The following HHIPL2 variants were observed in gnomAD, a reference collection of about 807,000 sequenced individuals.
The protein encoded by HHIPL2 is HHIP like 2.
In HHIPL2, 61 loss-of-function variants were observed where a neutral mutation model predicts 61.0. The ratio of observed to expected loss-of-function variants is 1.00; its 90% CI spans 0.81 to 1.24. The LOEUF (loss-of-function observed/expected upper bound fraction) is 1.24. Among genes scored for constraint, HHIPL2 ranks in the 50% most tolerant of loss-of-function variants. The probability of loss-of-function intolerance (pLI) is 0.00; values close to 1 mark genes in which losing one functional copy is unlikely to be tolerated. For missense variants in HHIPL2, 885 were observed against 910.2 expected, an observed-to-expected ratio of 0.97 and a Z score of 0.36; for synonymous variants, 343 against 357.4, an observed-to-expected ratio of 0.96 and a Z score of 0.45.
chr1:222,531,722 A>G (rs970472120), intron 6 of HHIPL2, among the ~76,000 whole-genome samples: 17 of 152,190 alleles, frequency 1.1e-4, no homozygotes, highest in African/African-American at 3.9e-4. Flanking sequence ...ACAGAGAGCA[A>G]GACTCTGTCT....
At chr1:222,547,224 GGA>G (rs910072044) in intron 1 of HHIPL2, among the ~76,000 whole-genome samples, 1 of 152,166 alleles carries the variant, frequency 6.6e-6, no homozygotes, top group Non-Finnish European at 1.5e-5. Flanking sequence ...ACAGAACTCT[GGA>G]GAGAGTCTCC....
intron 6 of HHIPL2, among the ~76,000 whole-genome samples, chr1:222,528,540 G>A (rs2102611175): frequency 6.6e-6 from 1 of 152,272 alleles, no homozygotes; most frequent in African/African-American, 2.4e-5. Flanking sequence ...CTGGGAGGCA[G>A]AGGTTGCAGT....
At chr1:222,531,898 T>C in intron 6 of HHIPL2, 68 bp downstream of exon 6, 1 of 1,413,472 alleles carries the variant, frequency 7.1e-7, no homozygotes, top group South Asian at 1.3e-5. Flanking sequence ...AAAATAAACG[T>C]TCAGTTGATG....
At chr1:222,535,973 C>T (rs1659293488) in intron 5 of HHIPL2, among the ~76,000 whole-genome samples, 1 of 151,806 alleles carries the variant, frequency 6.6e-6, no homozygotes, top group Non-Finnish European at 1.5e-5. Context: ...CACAATATAT[C>T]AACATTTACA....
chr1:222,529,927 GCT>G (rs1373264470), intron 6 of HHIPL2, among the ~76,000 whole-genome samples: 1 of 152,074 alleles, frequency 6.6e-6, no homozygotes, highest in Non-Finnish European at 1.5e-5. Context: ...ATGAAATAAG[GCT>G]CAGATCTAAA....
At chr1:222,529,951 G>A (rs1659153292) in intron 6 of HHIPL2, among the ~76,000 whole-genome samples, 1 of 152,130 alleles carries the variant, frequency 6.6e-6, no homozygotes, top group Admixed American at 6.6e-5. Context: ...ATGCCTCTCA[G>A]AGGAAAAGAA....
At chr1:222,538,807 G>A (rs200188449) in intron 4 of HHIPL2, 33 bp from the exon 5 acceptor site, 15 of 1,609,072 alleles carry the variant, frequency 9.3e-6, no homozygotes, top group African/African-American at 5.4e-5. Flanking sequence ...AGTGAGTGTC[G>A]TGGCCTAAAA....
In HHIPL2 at chr1:222,522,741, A is replaced by G. The variant is rs765817863; in HGVS notation, c.2035T>C (p.Leu679=). Residue 679 remains leucine, a synonymous_variant, in exon 9 of 9, where the codon TTG becomes CTG. Transcript: ENST00000343410. ...TTCTTCTTTGTACCAGGCCCTCGCA[A>G]TGTATTCTTGCTGCTTGTAGGAGAA... ...LASPTSSKNT[L]RGPGTKKKAR... 9.9e-6 allele frequency: 16 copies of G among 1,613,908 alleles called. No homozygotes were observed. In the Admixed American group the frequency reaches 2.5e-4, roughly 25 times the overall value.
chr1:222,522,731 G>A lies in HHIPL2; in HGVS notation c.2045C>T (p.Pro682Leu), dbSNP rs1459274522. The change falls in exon 9 of 9, where the codon CCT (proline) becomes CTT (leucine). Residue 682 changes from proline to leucine, a missense_variant. Pro to Leu is a moderately conservative substitution (Grantham distance 98). Transcript: ENST00000343410. Reference sequence around the variant, plus strand: ...CACTCTGGCTTTCTTCTTTGTACCAGGCCCTCGCAATGTATTCTTGCTGCT... The same window carrying A: ...CACTCTGGCTTTCTTCTTTGTACCAAGCCCTCGCAATGTATTCTTGCTGCT... ...PTSSKNTLRG[P>L]GTKKKARVGP... The A allele has an allele frequency of 6.2e-7, 1 of 1,614,060 alleles. No individual in the cohort carries two copies. The highest frequency in any genetic ancestry group is 1.7e-5 in the Admixed American group (1 of 60,012).
Position 222,543,953 on chromosome 1 carries a change from C to T in HHIPL2, c.558G>A (p.Arg186=). 2 of 1,614,176 alleles carry T rather than the reference C, an allele frequency of 1.2e-6. No individual in the cohort carries two copies. The highest frequency in any genetic ancestry group is 1.7e-6 in the Non-Finnish European group (2 of 1,180,042). The change falls in exon 2 of 9, where the codon AGG becomes AGA. Residue 186 remains arginine (R), a synonymous_variant. Transcript: ENST00000343410. The part of the protein sequence containing the change: ...DKDYCFPNVL[R]NDYLNRHLGM... ...CCAGGTGGCGGTTGAGATAGTCGTT[C>T]CTCAGGACATTAGGGAAGCAATAGT...
At position 222,538,893 on chromosome 1, in the gene HHIPL2, G is replaced by C. The variant is rs910492680; in HGVS notation, c.1451-119C>G. 6 of 945,738 alleles carry C rather than the reference G, an allele frequency of 6.3e-6. No individual in the cohort carries two copies. The Admixed American group carries it at 1.0e-4, about 16-fold the overall frequency. 58.6% of individuals were successfully genotyped at this position (945,738 alleles called of 1,614,324 possible). A position where few individuals can be genotyped will look rare whatever the true frequency, so the allele number is the denominator to read the frequency against. ...TCAGTAAAGAACACTTTACCTCTTG[G>C]TCTTCAGTAGGACAGGCAAGCAAGT... is the stretch of plus-strand genomic sequence containing the variant. On this transcript the variant is annotated intron_variant, in intron 4 of 8. Transcript: ENST00000343410.
At chr1:222,547,657 C>G in intron 1 of HHIPL2, 67 bp downstream of exon 1, 4 of 1,396,424 alleles carry the variant, frequency 2.9e-6, no homozygotes, top group Non-Finnish European at 4.0e-6. Flanking sequence ...AAAGCACCCT[C>G]CGCTCAGGAC....
At position 222,540,349 on chromosome 1, in the gene HHIPL2, A is replaced by G; in HGVS notation, c.1119-8T>C. 1.3e-6 allele frequency: 2 copies of G among 1,594,824 alleles called. No homozygotes were observed. The highest frequency in any genetic ancestry group is 4.5e-5 in the East Asian group (2 of 44,686). On this transcript the variant is annotated splice_polypyrimidine_tract_variant and splice_region_variant and intron_variant, in intron 3 of 8. Transcript: ENST00000343410. ...TTTCCCAGCAGGGAACTTCTGAAAG[A>G]AAGAAGGCCAAGAAGCAGAATGAGG...
At chr1:222,545,006 CAT>C (rs1659525540) in intron 1 of HHIPL2, among the ~76,000 whole-genome samples, 1 of 152,174 alleles carries the variant, frequency 6.6e-6, no homozygotes, top group Non-Finnish European at 1.5e-5. Context: ...CTTACACAAA[CAT>C]ATAAGGACTA....
chr1:222,528,788 C>T (rs528465432), intron 6 of HHIPL2, among the ~76,000 whole-genome samples: 2 of 149,768 alleles, frequency 1.3e-5, no homozygotes, highest in South Asian at 2.1e-4. Flanking sequence ...AAACCTAAAG[C>T]TTTATACAGC....
chr1:222,534,525 C>T (rs1233583982), intron 5 of HHIPL2, among the ~76,000 whole-genome samples: 6 of 149,070 alleles, frequency 4.0e-5, no homozygotes, highest in African/African-American at 1.0e-4. Flanking sequence ...TGCAGTGAGC[C>T]GAGATCGTGC....
intron 5 of HHIPL2, among the ~76,000 whole-genome samples, chr1:222,536,829 A>G (rs1005569515): frequency 3.9e-5 from 6 of 152,068 alleles, no homozygotes; most frequent in Admixed American, 3.9e-4. Flanking sequence ...GTGGGAGAAC[A>G]GCTTGAAGCC....
rs1301902191 is a variant in HHIPL2, at chr1:222,543,788, C to G, written c.723G>C (p.Val241=). Residue 241 remains valine, a synonymous_variant, in exon 2 of 9, where the codon GTG becomes GTC. Coordinates refer to ENST00000343410, the MANE Select transcript of HHIPL2 (RefSeq NM_024746.4). The part of the protein sequence containing the change: ...RFFVAEQVGV[V]WVYLPDGSRL... ...GACTCCCATCAGGGAGGTAGACCCA[C>G]ACCACTCCTACCTGCTCGGCAACAA... is the stretch of plus-strand genomic sequence containing the variant. 1.2e-6 allele frequency: 2 copies of G among 1,614,116 alleles called. No individual in the cohort carries two copies. Among genetic ancestry groups the G allele is most frequent in the Non-Finnish European group, 1.7e-6 (2 of 1,180,018 alleles).
Position 222,538,834 on chromosome 1 carries a change from G to T in HHIPL2, c.1451-60C>A, listed in dbSNP as rs368553845. ...GGCCTAAAATTGAAAGCTTCAAGGA[G>T]GAAGAAGGGGACTTTTTAATGCAGT... is the stretch of plus-strand genomic sequence containing the variant. On this transcript the variant is annotated intron_variant, in intron 4 of 8. Coordinates refer to ENST00000343410, the MANE Select transcript of HHIPL2 (RefSeq NM_024746.4). 1.2e-4 allele frequency: 193 copies of T among 1,580,350 alleles called. 1 individual carries two copies. The African/African-American group carries it at 2.4e-3, about 20-fold the overall frequency.
Sources: allele counts gnomAD v4.1 joint callset (sites outside exome capture counted in the v4.1 genomes callset), GRCh38; gene constraint gnomAD v4.1.1; transcripts MANE v1.5; gene names NCBI Gene and HGNC (gene_info 2026-07-23, HGNC 2026-07-21).